SLC26A6: variants seen among roughly 807,000 people sequenced by gnomAD.
The protein encoded by SLC26A6 is solute carrier family 26 member 6.
SLC26A6 carries 67 observed loss-of-function variants against 87.1 expected under a neutral mutation model. The ratio of observed to expected loss-of-function variants is 0.77; its 90% CI spans 0.63 to 0.94. The LOEUF is 0.94. Ranked by LOEUF, SLC26A6 falls within the 40% of genes least tolerant of loss-of-function variation. SLC26A6 has a pLI of 0.00. For synonymous variants in SLC26A6, 414 were observed against 405.9 expected (o/e 1.02, Z -0.24); for missense variants, 902 against 973.0 (o/e 0.93, Z 0.97).
intron 3 of SLC26A6, 25 bp downstream of exon 3, chr3:48,633,226 G>C: frequency 6.2e-7 from 1 of 1,607,354 alleles, no homozygotes; most frequent in South Asian, 1.1e-5. Flanking sequence ...AGGGTTTCCA[G>C]GCCGACGCAC....
In SLC26A6 at chr3:48,626,618, C is replaced by T; in HGVS notation, c.2128+13G>A. The T allele has an allele frequency of 1.9e-6, 3 of 1,614,198 alleles. No homozygotes were observed. Among genetic ancestry groups the T allele is most frequent in the East Asian group, 4.5e-5 (2 of 44,888 alleles). ...TCTTCCCAGGTCCCTCCTGCTGTTC[C>T]CACCCTACTCACTGTGGCAGGCCGC... On this transcript the variant is annotated intron_variant, in intron 19 of 20. Transcript: ENST00000395550.
chr3:48,633,229 C>G (rs373182863), intron 3 of SLC26A6, 22 bp downstream of exon 3: 1 of 1,608,016 alleles, frequency 6.2e-7, no homozygotes. Flanking sequence ...GTTTCCAGGC[C>G]GACGCACTGA....
rs2046679768 is a variant in SLC26A6 at position 48,628,225 on chromosome 3, TCTCA to T, written c.1801-191_1801-188del. 6 of 764,414 alleles carry T rather than the reference TCTCA, an allele frequency of 7.8e-6. No homozygotes were observed. In the East Asian group the frequency reaches 8.0e-5, roughly 10 times the overall value. The allele number at this position is 764,414 out of a possible 1,614,324, so 47.4% of individuals were successfully genotyped here. On this transcript the variant is annotated intron_variant, in intron 16 of 20. Coordinates refer to ENST00000395550, the MANE Select transcript of SLC26A6 (RefSeq NM_022911.3). This position sits in a 1 kb window ranked among gnomAD's most constrained non-coding sequence, Gnocchi z 4.4. ...TGAAAGGGAAGAGGACTGTGACGGT[TCTCA>T]CTGTCACTGGTTCAGATGATGGGAG...
At chr3:48,632,188 G>A in intron 5 of SLC26A6, 57 bp downstream of exon 5, 1 of 1,574,780 alleles carries the variant, frequency 6.4e-7, no homozygotes, top group Non-Finnish European at 8.6e-7. Context: ...GTACAGACAG[G>A]ACAGTGGCGG....
chr3:48,635,423 C>G lies in SLC26A6; in HGVS notation c.-30G>C, dbSNP rs2046930054. 1 of 1,571,120 alleles carries G rather than the reference C, an allele frequency of 6.4e-7. No individual in the cohort carries two copies. Among genetic ancestry groups the G allele is most frequent in the Non-Finnish European group, 8.6e-7 (1 of 1,159,866 alleles). Reference sequence around the variant, plus strand: ...CGCAAGTTGTCCGGTGCGGGCTGCTCCTGCTGCTCGAGCTAGAGGCCGCTA... The same window carrying G: ...CGCAAGTTGTCCGGTGCGGGCTGCTGCTGCTGCTCGAGCTAGAGGCCGCTA... On this transcript the variant is annotated 5_prime_UTR_variant, in exon 1 of 21. Transcript: ENST00000395550.
chr3:48,630,133 C>A lies in SLC26A6; in HGVS notation c.1351G>T (p.Val451Leu), dbSNP rs780553286. 2.4e-5 allele frequency: 38 copies of A among 1,609,498 alleles called. No individual in the cohort carries two copies. The highest frequency in any genetic ancestry group is 3.1e-5 in the Non-Finnish European group (37 of 1,176,680). Residue 451 changes from valine to leucine, a missense_variant, in exon 12 of 21, where the codon GTG becomes TTG. Val to Leu is a conservative substitution (Grantham distance 32). Around this residue, in one of 3 missense-constraint regions of SLC26A6, gnomAD observed 800 missense variants for 856.8 expected, o/e 0.93. Transcript: ENST00000395550. ...PKAVLAAIII[V>L]NLKGMLRQLS... is the part of the protein sequence containing the mutation. ...TGCCTCAGCATGCCCTTCAGGTTCA[C>A]AATGATGATGGCTGCCAGGACCGCC... is the stretch of plus-strand genomic sequence containing the variant.
Position 48,630,069 on chromosome 3 carries a change from G to A in SLC26A6, c.1415C>T (p.Ala472Val), listed in dbSNP as rs112220165. 4.7e-5 allele frequency: 76 copies of A among 1,612,254 alleles called. No individual in the cohort carries two copies. The highest frequency in any genetic ancestry group is 2.9e-4 in the African/African-American group (22 of 75,018). The part of the protein sequence containing the change: ...DMRSLWKANR[A>V]DLLIWLVTFT... ...GGCTCCCAGTGCACTCACCAGATCC[G>A]CCCGATTGGCCTTCCAGAGGGAGCG... Residue 472 changes from alanine (A) to valine (V), a missense_variant, in exon 12 of 21, where the codon GCG (alanine) becomes GTG (valine). By Grantham distance (64) the Ala-to-Val change is moderately conservative. This residue lies in a region of SLC26A6 where 800 missense variants were observed against 856.8 expected (regional missense o/e 0.93). Transcript: ENST00000395550.
intron 7 of SLC26A6, 97 bp downstream of exon 7, chr3:48,631,552 C>T: frequency 6.7e-7 from 1 of 1,488,470 alleles, no homozygotes; most frequent in Non-Finnish European, 9.1e-7. Flanking sequence ...TCCCAGCCCC[C>T]CTCCAGCTGG....
At position 48,628,962 on chromosome 3, in the gene SLC26A6, C is replaced by A. The variant is rs1308324898; in HGVS notation, c.1600-248G>T. Among the ~76,000 whole-genome samples the A allele has an allele frequency of 6.6e-6, 1 of 152,160 alleles. No homozygotes were observed. The highest frequency in any genetic ancestry group is 6.5e-5 in the Admixed American group (1 of 15,284). ...CAGGCAGGCTTCACAGGCTCTTAAC[C>A]TTTCTCTTGGGTTTCCAACCCCTGC... is the stretch of plus-strand genomic sequence containing the variant. On this transcript the variant is annotated intron_variant, in intron 14 of 20. Transcript: ENST00000395550. This position sits in a 1 kb window ranked among gnomAD's most constrained non-coding sequence, Gnocchi z 4.4.
rs936467251 is a variant in SLC26A6 at position 48,627,388 on chromosome 3, T to A, written c.1894-333A>T. 1.3e-5 allele frequency: 4 copies of A among 305,034 alleles called. No homozygotes were observed. The East Asian group carries it at 2.7e-4, about 21-fold the overall frequency. The allele number at this position is 305,034 out of a possible 1,614,324, so 18.9% of individuals were successfully genotyped here. A position where few individuals can be genotyped will look rare whatever the true frequency, so the allele number is the denominator to read the frequency against. On this transcript the variant is annotated intron_variant, in intron 17 of 20. Coordinates refer to ENST00000395550, the MANE Select transcript of SLC26A6 (RefSeq NM_022911.3). Reference sequence around the variant, plus strand: ...GAGCAGGCCAGAATAGACACGGGCATCCACATGAAACGCATGCAGACACCT... The same window carrying A: ...GAGCAGGCCAGAATAGACACGGGCAACCACATGAAACGCATGCAGACACCT...
intron 14 of SLC26A6, among the ~76,000 whole-genome samples, chr3:48,629,421 A>AC (rs2046716680): frequency 6.6e-6 from 1 of 151,540 alleles, no homozygotes; most frequent in African/African-American, 2.4e-5. Context: ...TCCACGACAG[A>AC]CCCCTCCCCA....
intron 1 of SLC26A6, 195 bp from the exon 2 acceptor site, chr3:48,633,830 G>A (rs1418777898): frequency 7.7e-6 from 11 of 1,433,004 alleles, no homozygotes; most frequent in African/African-American, 4.3e-5. Flanking sequence ...AACTTTGGCT[G>A]GTGAGAAAGC....
Position 48,629,881 on chromosome 3 carries a change from C to A in SLC26A6, c.1520G>T (p.Arg507Leu). 1 of 1,614,084 alleles carries A rather than the reference C, an allele frequency of 6.2e-7. No individual in the cohort carries two copies. Among genetic ancestry groups the A allele is most frequent in the East Asian group, 2.2e-5 (1 of 44,888 alleles). ...VIFSLLLVVV[R>L]TQMPHYSVLG... ...AACATGGCGGACTCACATCTGTGTC[C>A]GGACCACCACGAGCAGCAGGGAGAA... The change falls in exon 13 of 21, where the codon CGG becomes CTG. Residue 507 changes from arginine (R) to leucine (L), a missense_variant. By Grantham distance (102) the Arg-to-Leu change is moderately radical (BLOSUM62 -2). Around this residue, in one of 3 missense-constraint regions of SLC26A6, gnomAD observed 800 missense variants for 856.8 expected, o/e 0.93. Coordinates refer to ENST00000395550, the MANE Select transcript of SLC26A6 (RefSeq NM_022911.3).
chr3:48,627,048 C>T lies in SLC26A6; in HGVS notation c.1901G>A (p.Ser634Asn), dbSNP rs758570976. ...TGCATCTTCCATCTTATCTCCTGAG[C>T]TCACCTGCTGGGGAGCCAGACATGC... ...NVEDCKMMQV[S>N]SGDKMEDATA... Residue 634 changes from serine (S) to asparagine (N), a missense_variant, in exon 18 of 21, where the codon AGC (serine) becomes AAC (asparagine). By Grantham distance (46) the Ser-to-Asn change is conservative. This residue lies in a region of SLC26A6 where 800 missense variants were observed against 856.8 expected (regional missense o/e 0.93). Transcript: ENST00000395550. 6 of 1,612,790 alleles carry T rather than the reference C, an allele frequency of 3.7e-6. No individual in the cohort carries two copies. The East Asian group carries it at 1.3e-4, about 36-fold the overall frequency.
intron 17 of SLC26A6, chr3:48,627,470 A>G (rs1318160493): frequency 5.1e-6 from 1 of 194,294 alleles, no homozygotes; most frequent in African/African-American, 2.4e-5. Context: ...TTGACCCCTC[A>G]ATTTTTTTTT....
rs2046744602 is a variant in SLC26A6 at position 48,630,166 on chromosome 3, G to C, written c.1327-9C>G. On this transcript the variant is annotated splice_polypyrimidine_tract_variant and intron_variant, in intron 11 of 20. Transcript: ENST00000395550. ...ATGGCTGCCAGGACCGCCTGGGGTG[G>C]GGACAGTGCCACCAGGGGCCATTGA... 6.2e-7 allele frequency: 1 copy of C among 1,604,540 alleles called. No individual in the cohort carries two copies. Among genetic ancestry groups the C allele is most frequent in the Non-Finnish European group, 8.5e-7 (1 of 1,172,894 alleles).
chr3:48,633,053 G>A lies in SLC26A6; in HGVS notation c.354C>T (p.Pro118=), dbSNP rs375859554. Reference sequence around the variant, plus strand: ...AGGAGCTATAGAGGCCAAACACGGGGGGCAATCCAGCCAGGAGGGCGTAGG... The same window carrying A: ...AGGAGCTATAGAGGCCAAACACGGGAGGCAATCCAGCCAGGAGGGCGTAGG... ...GLAYALLAGL[P]PVFGLYSSFY... The change falls in exon 4 of 21, where the codon CCC becomes CCT. Residue 118 remains proline (P), a synonymous_variant. Coordinates refer to ENST00000395550, the MANE Select transcript of SLC26A6 (RefSeq NM_022911.3). 2 of 1,613,518 alleles carry A rather than the reference G, an allele frequency of 1.2e-6. No homozygotes were observed. The highest frequency in any genetic ancestry group is 1.1e-5 in the South Asian group (1 of 90,884).
chr3:48,626,960 C>G lies in SLC26A6; in HGVS notation c.1989G>C (p.Leu663=). ...TGAGGCTGTGGAAGTCTGGCTGAGG[C>G]AGGCCCAGGGCCTTCAGTGTGGACC... ...PDGSTLKALG[L]PQPDFHSLIL... Residue 663 remains leucine, a synonymous_variant, in exon 18 of 21, where the codon CTG becomes CTC. Coordinates refer to ENST00000395550, the MANE Select transcript of SLC26A6 (RefSeq NM_022911.3). 1 of 1,614,200 alleles carries G rather than the reference C, an allele frequency of 6.2e-7. No homozygotes were observed. The highest frequency in any genetic ancestry group is 1.1e-5 in the South Asian group (1 of 91,088).
Position 48,625,837 on chromosome 3 carries a change from C to T in SLC26A6, c.*149G>A, listed in dbSNP as rs1053205679. 49 of 1,011,040 alleles carry T rather than the reference C, an allele frequency of 4.8e-5. No individual in the cohort carries two copies. The highest frequency in any genetic ancestry group is 6.8e-5 in the Non-Finnish European group (46 of 679,424). 62.6% of individuals were successfully genotyped at this position (1,011,040 alleles called of 1,614,324 possible). ...CCTGTCCCAGACCTGGAGCGCTGAACTTGGAGTCCCAGGACCTCCTTCCCT... is the reference window on the plus strand; with the variant it reads ...CCTGTCCCAGACCTGGAGCGCTGAATTTGGAGTCCCAGGACCTCCTTCCCT... On this transcript the variant is annotated 3_prime_UTR_variant, in exon 21 of 21. Coordinates refer to ENST00000395550, the MANE Select transcript of SLC26A6 (RefSeq NM_022911.3). The surrounding 1 kb of genome is among the most constrained non-coding windows in gnomAD (Gnocchi z 4.7).
Sources: gnomAD v4.1 joint callset for allele counts (sites outside exome capture counted in the v4.1 genomes callset) on GRCh38, gnomAD v4.1.1 for gene constraint, gnomAD v4.1.1 regional missense constraint, Gnocchi (gnomAD v3.1) non-coding constraint, MANE v1.5 for transcripts, NCBI Gene and HGNC (gene_info 2026-07-23, HGNC 2026-07-21) for gene names.